MGAT5: variants seen among roughly 807,000 people sequenced by gnomAD.
The protein encoded by MGAT5 is alpha-1,6-mannosylglycoprotein 6-beta-N-acetylglucosaminyltransferase.
MGAT5 carries 30 observed loss-of-function variants against 94.3 expected under a neutral mutation model. The ratio of observed to expected loss-of-function variants is 0.32; its 90% CI spans 0.24 to 0.43. The LOEUF (loss-of-function observed/expected upper bound fraction) is 0.43, where lower values mean the gene tolerates loss of function less well. Ranked by LOEUF, MGAT5 falls within the 20% of genes least tolerant of loss-of-function variation. MGAT5 has a pLI of 1.00. For missense variants in MGAT5, 691 were observed against 905.5 expected, an observed-to-expected ratio of 0.76 and a Z score of 3.04; for synonymous variants, 310 against 322.9, an observed-to-expected ratio of 0.96 and a Z score of 0.43.
intron 1 of MGAT5, among the ~76,000 whole-genome samples, chr2:134,242,234 A>G (rs1682014351): frequency 6.6e-6 from 1 of 152,238 alleles, no homozygotes; most frequent in Admixed American, 6.5e-5. Context: ...TTACTGCTTT[A>G]TCAGAGTTAG....
chr2:134,413,685 G>T (rs1179292252), intron 12 of MGAT5, among the ~76,000 whole-genome samples: 4 of 152,168 alleles, frequency 2.6e-5, no homozygotes, highest in Non-Finnish European at 5.9e-5. Context: ...GTCAGAAATA[G>T]GTGTGTGCAA....
intron 1 of MGAT5, among the ~76,000 whole-genome samples, chr2:134,182,211 A>G (rs928137205): frequency 2.6e-5 from 4 of 152,246 alleles, no homozygotes; most frequent in African/African-American, 7.2e-5. Flanking sequence ...TGATCATTAC[A>G]TGATTATTAG....
intron 1 of MGAT5, among the ~76,000 whole-genome samples, chr2:134,221,998 A>G (rs933380769): frequency 1.3e-5 from 2 of 152,126 alleles, no homozygotes; most frequent in African/African-American, 4.8e-5. Flanking sequence ...TCCAGGTCCC[A>G]CGGTGCTAGA....
At chr2:134,120,454 G>C (rs1343062397) in intron 1 of MGAT5, among the ~76,000 whole-genome samples, 2 of 151,954 alleles carry the variant, frequency 1.3e-5, no homozygotes, top group Non-Finnish European at 2.9e-5. Context: ...TCGCTCCTCT[G>C]CCGCCTGCGT....
At chr2:134,162,511 ATTT>A (rs1687783840) in intron 1 of MGAT5, among the ~76,000 whole-genome samples, 1 of 152,224 alleles carries the variant, frequency 6.6e-6, no homozygotes, top group Non-Finnish European at 1.5e-5. Context: ...ATATTCTCTC[ATTT>A]AGTCCTTAGA....
chr2:134,289,767 C>T (rs780004747), intron 2 of MGAT5, among the ~76,000 whole-genome samples: 13 of 152,208 alleles, frequency 8.5e-5, no homozygotes, highest in East Asian at 1.9e-4. Flanking sequence ...GACACAGAGT[C>T]TCTAAAGACC....
intron 2 of MGAT5, among the ~76,000 whole-genome samples, chr2:134,294,698 C>CT (rs1372906485): frequency 6.6e-6 from 1 of 152,174 alleles, no homozygotes; most frequent in East Asian, 1.9e-4. Flanking sequence ...AATCAATGTA[C>CT]TTTATGTTCT....
chr2:134,176,503 A>G lies in MGAT5; in HGVS notation c.-143+56212A>G, dbSNP rs1474556211. On this transcript the variant is annotated intron_variant, in intron 1 of 16. Transcript: ENST00000409645. ...CAGGAGAATCGCTTGAACCCAGGAA[A>G]CGGAGGTTGCAGTGAGCCGAGATCA... Among the ~76,000 whole-genome samples the G allele has an allele frequency of 5.4e-5, 8 of 147,648 alleles. No homozygotes were observed. In the Admixed American group the frequency reaches 5.5e-4, roughly 10 times the overall value.
At position 134,268,268 on chromosome 2, in the gene MGAT5, A is replaced by G. The variant is rs1293794028; in HGVS notation, c.242-2118A>G. Among the ~76,000 whole-genome samples, 2 of 152,204 alleles carry G rather than the reference A, an allele frequency of 1.3e-5. No individual in the cohort carries two copies. Among genetic ancestry groups the G allele is most frequent in the African/African-American group, 2.4e-5 (1 of 41,450 alleles). ...ATAGTTAAATGCTATTCTAGATTGT[A>G]TTCGGATTCTAGCTGGCTGATGACA... is the stretch of plus-strand genomic sequence containing the variant. On this transcript the variant is annotated intron_variant, in intron 1 of 15. Coordinates refer to ENST00000281923, the MANE Select transcript of MGAT5 (RefSeq NM_002410.5). The surrounding 1 kb of genome is among the most constrained non-coding windows in gnomAD (Gnocchi z 4.1).
At chr2:134,372,808 A>G (rs1031556441) in intron 10 of MGAT5, among the ~76,000 whole-genome samples, 13 of 152,246 alleles carry the variant, frequency 8.5e-5, no homozygotes, top group Admixed American at 8.5e-4. Context: ...ATAAACAGCT[A>G]AGTGCAAATC....
intron 10 of MGAT5, among the ~76,000 whole-genome samples, chr2:134,363,620 C>T (rs749655208): frequency 3.9e-5 from 6 of 152,210 alleles, no homozygotes; most frequent in Non-Finnish European, 8.8e-5. Context: ...TGGGTAGAGG[C>T]CAGGGATGCT....
intron 1 of MGAT5, among the ~76,000 whole-genome samples, chr2:134,186,367 C>G (rs2105199543): frequency 6.6e-6 from 1 of 151,916 alleles, no homozygotes; most frequent in South Asian, 2.1e-4. Context: ...AAAAAGGAGC[C>G]CTGGAGTCGT....
chr2:134,343,886 C>T (rs1000884894), intron 7 of MGAT5, among the ~76,000 whole-genome samples: 2 of 134,974 alleles, frequency 1.5e-5, no homozygotes. Context: ...AAATGTATGG[C>T]CTGCAAAGAT....
intron 10 of MGAT5, among the ~76,000 whole-genome samples, chr2:134,376,842 C>T (rs894989521): frequency 6.6e-6 from 1 of 152,210 alleles, no homozygotes; most frequent in African/African-American, 2.4e-5. Context: ...AAACGGTACT[C>T]ATTTAGCAGC....
chr2:134,261,924 C>A (rs916318969), intron 1 of MGAT5, among the ~76,000 whole-genome samples: 3 of 152,176 alleles, frequency 2.0e-5, no homozygotes, highest in African/African-American at 7.2e-5. Context: ...AGAAGAAATT[C>A]CCTATGGGCT....
intron 2 of MGAT5, among the ~76,000 whole-genome samples, chr2:134,303,774 T>C (rs1373798382): frequency 6.6e-6 from 1 of 152,182 alleles, no homozygotes; most frequent in East Asian, 1.9e-4. Context: ...GGGCTCCCTC[T>C]TTTTGGGAAT....
chr2:134,171,729 T>C (rs1453263069), intron 1 of MGAT5, among the ~76,000 whole-genome samples: 1 of 152,168 alleles, frequency 6.6e-6, no homozygotes, highest in South Asian at 2.1e-4. Context: ...GTCCTTGTCC[T>C]TGTGATTTCA....
chr2:134,174,014 T>G (rs1285297785), intron 1 of MGAT5, among the ~76,000 whole-genome samples: 1 of 152,210 alleles, frequency 6.6e-6, no homozygotes, highest in African/African-American at 2.4e-5. Context: ...TGTCCTGGCT[T>G]TATGCTTAGA....
intron 4 of MGAT5, among the ~76,000 whole-genome samples, chr2:134,326,848 GGA>G (rs910239953): frequency 5.9e-5 from 9 of 152,020 alleles, no homozygotes; most frequent in Non-Finnish European, 1.2e-4. Context: ...AAATGATGTT[GGA>G]CCATATTTGA....
Sources: gnomAD v4.1 joint callset for allele counts (sites outside exome capture counted in the v4.1 genomes callset) on GRCh38, gnomAD v4.1.1 for gene constraint, Gnocchi (gnomAD v3.1) non-coding constraint, MANE v1.5 for transcripts, NCBI Gene and HGNC (gene_info 2026-07-23, HGNC 2026-07-21) for gene names.